GALNT17: variants seen among roughly 807,000 people sequenced by gnomAD.
GALNT17 encodes the protein polypeptide N-acetylgalactosaminyltransferase 17.
Under a neutral mutation model 63.7 loss-of-function variants are expected in GALNT17, and 29 were observed. The ratio of observed to expected loss-of-function variants is 0.46; its 90% CI spans 0.34 to 0.62. The LOEUF is 0.62. Among genes scored for constraint, GALNT17 ranks in the 20% least tolerant of loss-of-function variants. The pLI is 0.01. For missense variants in GALNT17, 603 were observed against 799.6 expected, an observed-to-expected ratio of 0.75 and a Z score of 2.97; for synonymous variants, 305 against 318.3, an observed-to-expected ratio of 0.96 and a Z score of 0.45.
intron 1 of GALNT17, among the ~76,000 whole-genome samples, chr7:71,178,770 A>G (rs777593337): frequency 2.0e-4 from 30 of 152,082 alleles, no homozygotes; most frequent in Non-Finnish European, 3.4e-4. Flanking sequence ...TTCATTGTGT[A>G]TATATTTTTC....
chr7:71,503,881 G>A (rs909749222), intron 5 of GALNT17, among the ~76,000 whole-genome samples: 1 of 151,948 alleles, frequency 6.6e-6, no homozygotes, highest in African/African-American at 2.4e-5. Flanking sequence ...AGATCACGAG[G>A]TCAGGAGTTT....
chr7:71,297,136 GTTC>G (rs1183764070), intron 1 of GALNT17, among the ~76,000 whole-genome samples: 1 of 152,174 alleles, frequency 6.6e-6, no homozygotes, highest in Admixed American at 6.5e-5. Context: ...AACTCTCCAG[GTTC>G]TTCTTTTCCA....
chr7:71,643,530 A>G lies in GALNT17; in HGVS notation c.1081-21881A>G, dbSNP rs969132013. Reference sequence around the variant, plus strand: ...TTTTACAAAAGGGAAAAAGGGATGCATTCAAGATAATACAATGACATTCCT... The same window carrying G: ...TTTTACAAAAGGGAAAAAGGGATGCGTTCAAGATAATACAATGACATTCCT... On this transcript the variant is annotated intron_variant, in intron 6 of 10. Coordinates refer to ENST00000333538, the MANE Select transcript of GALNT17 (RefSeq NM_022479.3). Among the ~76,000 whole-genome samples the G allele has an allele frequency of 8.5e-5, 13 of 152,244 alleles. No homozygotes were observed. In the East Asian group the frequency reaches 1.2e-3, roughly 13 times the overall value.
At chr7:71,162,123 CCCTTCCTTCCTTCCTT>C (rs527578764) in intron 1 of GALNT17, among the ~76,000 whole-genome samples, 5 of 53,780 alleles carry the variant, frequency 9.3e-5, no homozygotes, top group African/African-American at 5.0e-4. Context: ...CTCCCTCCCT[CCCTTCCTTCCTTCCTT>C]CCTTCCTTCC....
In GALNT17 at chr7:71,300,383, CAG is replaced by C. The variant is rs1291997245; in HGVS notation, c.239-35160_239-35159del. 11 of 452,924 alleles carry C rather than the reference CAG, an allele frequency of 2.4e-5. No homozygotes were observed. The East Asian group carries it at 4.9e-4, about 20-fold the overall frequency. 28.1% of individuals were successfully genotyped at this position (452,924 alleles called of 1,614,324 possible). A position where few individuals can be genotyped will look rare whatever the true frequency, so the allele number is the denominator to read the frequency against. On this transcript the variant is annotated intron_variant, in intron 1 of 10. Coordinates refer to ENST00000333538, the MANE Select transcript of GALNT17 (RefSeq NM_022479.3). Reference sequence around the variant, plus strand: ...CCACCTCTTGGTGTGCTGGCAGACACAGAGAGAGGACTGTCTGTCTTCCCTCC... The same window carrying C: ...CCACCTCTTGGTGTGCTGGCAGACACAGAGAGGACTGTCTGTCTTCCCTCC...
chr7:71,412,317 A>G (rs1793443891), intron 3 of GALNT17, among the ~76,000 whole-genome samples: 1 of 151,674 alleles, frequency 6.6e-6, no homozygotes, highest in Non-Finnish European at 1.5e-5. Context: ...GTGTGGTTCT[A>G]AGTCTTCTTC....
chr7:71,230,930 G>A (rs1412404127), intron 1 of GALNT17, among the ~76,000 whole-genome samples: 1 of 152,130 alleles, frequency 6.6e-6, no homozygotes, highest in East Asian at 1.9e-4. Context: ...CAGACTCATT[G>A]AATCAGAAAC....
chr7:71,344,834 A>T (rs1249094071), intron 2 of GALNT17, among the ~76,000 whole-genome samples: 1 of 152,200 alleles, frequency 6.6e-6, no homozygotes. Flanking sequence ...AAAATCCTAG[A>T]GAGAATTAGT....
intron 9 of GALNT17, among the ~76,000 whole-genome samples, chr7:71,679,081 C>A (rs865817788): frequency 2.6e-5 from 4 of 152,082 alleles, no homozygotes; most frequent in African/African-American, 7.2e-5. Flanking sequence ...GAAGCCTAGA[C>A]CTTCTCCTCT....
intron 5 of GALNT17, among the ~76,000 whole-genome samples, chr7:71,540,547 C>T (rs1788872293): frequency 1.3e-5 from 2 of 152,112 alleles, no homozygotes; most frequent in South Asian, 4.1e-4. Flanking sequence ...AGAACAAAGG[C>T]CTCCATCTCC....
chr7:71,571,530 T>C, intron 6 of GALNT17, 128 bp downstream of exon 6: 1 of 765,528 alleles, frequency 1.3e-6, no homozygotes, highest in Non-Finnish European at 2.2e-6. Context: ...TCCACCTTGT[T>C]CCTGGGGGAT....
At chr7:71,646,422 T>C (rs914839770) in intron 6 of GALNT17, among the ~76,000 whole-genome samples, 14 of 152,256 alleles carry the variant, frequency 9.2e-5, no homozygotes, top group African/African-American at 3.4e-4. Flanking sequence ...GGCCACCACC[T>C]TCCTCTGGGA....
chr7:71,487,120 C>T (rs1563129503), intron 5 of GALNT17, among the ~76,000 whole-genome samples: 2 of 152,316 alleles, frequency 1.3e-5, no homozygotes, highest in East Asian at 3.9e-4. Flanking sequence ...CTGGCTGAGG[C>T]ATCTGTTGGA....
At chr7:71,316,815 G>A (rs897755701) in intron 1 of GALNT17, among the ~76,000 whole-genome samples, 1 of 152,180 alleles carries the variant, frequency 6.6e-6, no homozygotes, top group South Asian at 2.1e-4. Flanking sequence ...ATGGAAACTG[G>A]CATTTCAATG....
intron 5 of GALNT17, among the ~76,000 whole-genome samples, chr7:71,552,713 A>T (rs913997739): frequency 5.3e-5 from 8 of 152,154 alleles, no homozygotes; most frequent in African/African-American, 1.7e-4. Flanking sequence ...AAGTGCTGGG[A>T]TTACAGGAGT....
intron 5 of GALNT17, among the ~76,000 whole-genome samples, chr7:71,563,061 C>T (rs1057314550): frequency 8.5e-5 from 13 of 152,176 alleles, no homozygotes; most frequent in African/African-American, 2.9e-4. Context: ...TCAGTTGGAA[C>T]TGTTGTGTGT....
intron 1 of GALNT17, among the ~76,000 whole-genome samples, chr7:71,319,067 A>T (rs1032356301): frequency 1.4e-5 from 1 of 73,848 alleles, no homozygotes; most frequent in South Asian, 4.9e-4. Context: ...TCTGAACCAC[A>T]TCCTCAGCTT....
At chr7:71,461,996 T>C (rs1787458964) in intron 5 of GALNT17, among the ~76,000 whole-genome samples, 1 of 152,218 alleles carries the variant, frequency 6.6e-6, no homozygotes, top group South Asian at 2.1e-4. Flanking sequence ...TTGACTCCCC[T>C]GTCTGGCCTC....
intron 1 of GALNT17, among the ~76,000 whole-genome samples, chr7:71,232,547 A>G (rs1298651013): frequency 6.6e-6 from 1 of 152,098 alleles, no homozygotes; most frequent in Non-Finnish European, 1.5e-5. Context: ...GAGCCCTAAA[A>G]TTGGGGCTTA....
Sources: gnomAD v4.1 joint callset for allele counts (sites outside exome capture counted in the v4.1 genomes callset) on GRCh38, gnomAD v4.1.1 for gene constraint, MANE v1.5 for transcripts, NCBI Gene and HGNC (gene_info 2026-07-23, HGNC 2026-07-21) for gene names.